PLCB1: variants seen among roughly 807,000 people sequenced by gnomAD.
The protein encoded by PLCB1 is 1-phosphatidylinositol 4,5-bisphosphate phosphodiesterase beta-1.
Under a neutral mutation model 161.8 loss-of-function variants are expected in PLCB1, and 46 were observed. The ratio of observed to expected loss-of-function variants is 0.28; its 90% CI spans 0.22 to 0.36. The LOEUF (loss-of-function observed/expected upper bound fraction) is 0.36. PLCB1 is among the 10% of genes least tolerant of loss of function. PLCB1 has a pLI of 1.00. For synonymous variants in PLCB1, 517 were observed against 503.7 expected (o/e 1.03, Z -0.35); for missense variants, 1,016 against 1,472.5 (o/e 0.69, Z 5.07).
intron 31 of PLCB1, among the ~76,000 whole-genome samples, chr20:8,836,173 A>T (rs1319128788): frequency 6.6e-6 from 1 of 152,196 alleles, no homozygotes; most frequent in African/African-American, 2.4e-5. Context: ...CAAAACTGGC[A>T]TATTGTCACT....
At chr20:8,161,242 T>C (rs549009844) in intron 2 of PLCB1, among the ~76,000 whole-genome samples, 1 of 152,352 alleles carries the variant, frequency 6.6e-6, no homozygotes, top group South Asian at 2.1e-4. Flanking sequence ...ATATGCTACA[T>C]ATATACATAC....
intron 9 of PLCB1, among the ~76,000 whole-genome samples, chr20:8,660,611 T>G (rs1338861666): frequency 6.6e-6 from 1 of 151,990 alleles, no homozygotes; most frequent in Non-Finnish European, 1.5e-5. Flanking sequence ...AGAGAAAAAA[T>G]TGTGATAGAT....
At position 8,557,434 on chromosome 20, in the gene PLCB1, T is replaced by C. The variant is rs1986000021; in HGVS notation, c.247-70860T>C. On this transcript the variant is annotated intron_variant, in intron 3 of 31. Transcript: ENST00000338037. Reference sequence around the variant, plus strand: ...TCTTGAAGACATGCTAAGTGAAATATGCCAGAAACAAAAGGACAGATATTT... The same window carrying C: ...TCTTGAAGACATGCTAAGTGAAATACGCCAGAAACAAAAGGACAGATATTT... Among the ~76,000 whole-genome samples the C allele has an allele frequency of 1.3e-5, 2 of 152,052 alleles. 1 individual carries two copies. Among genetic ancestry groups the C allele is most frequent in the South Asian group, 4.1e-4 (2 of 4,836 alleles).
At chr20:8,486,965 T>A (rs1171306827) in intron 3 of PLCB1, among the ~76,000 whole-genome samples, 1 of 152,216 alleles carries the variant, frequency 6.6e-6, no homozygotes, top group Non-Finnish European at 1.5e-5. Context: ...GCAGGTGGCA[T>A]AAGGCTTCAG....
chr20:8,850,487 A>G (rs900137815), intron 31 of PLCB1, among the ~76,000 whole-genome samples: 1 of 152,228 alleles, frequency 6.6e-6, no homozygotes, highest in Admixed American at 6.5e-5. Flanking sequence ...TCATTCTAAC[A>G]TCCGAAAAAA....
chr20:8,263,788 C>T (rs1277646963), intron 2 of PLCB1, among the ~76,000 whole-genome samples: 1 of 152,066 alleles, frequency 6.6e-6, no homozygotes, highest in Non-Finnish European at 1.5e-5. Context: ...AACAATGGAC[C>T]TGTATAAAAC....
intron 2 of PLCB1, among the ~76,000 whole-genome samples, chr20:8,290,896 ACTATAAATTATAT>A (rs1983352291): frequency 6.6e-6 from 1 of 152,096 alleles, no homozygotes. Context: ...ATAAATTATA[ACTATAAATTATAT>A]AAATTATAAG....
intron 2 of PLCB1, among the ~76,000 whole-genome samples, chr20:8,366,066 C>G (rs1020615438): frequency 6.6e-6 from 1 of 152,164 alleles, no homozygotes; most frequent in Non-Finnish European, 1.5e-5. Context: ...ATTCAGTCTT[C>G]TCTTAGCTTG....
chr20:8,153,029 T>G (rs1386873168), intron 2 of PLCB1, among the ~76,000 whole-genome samples: 1 of 152,166 alleles, frequency 6.6e-6, no homozygotes, highest in Non-Finnish European at 1.5e-5. Flanking sequence ...GACAATGACA[T>G]GCTACCTTCC....
chr20:8,258,495 T>A (rs1446975706), intron 2 of PLCB1, among the ~76,000 whole-genome samples: 6 of 152,172 alleles, frequency 3.9e-5, no homozygotes, highest in African/African-American at 1.4e-4. Context: ...ACGTTTGGTA[T>A]GTGAATTTCA....
chr20:8,207,830 C>T (rs1173854480), intron 2 of PLCB1, among the ~76,000 whole-genome samples: 1 of 152,174 alleles, frequency 6.6e-6, no homozygotes, highest in Non-Finnish European at 1.5e-5. Context: ...ATCATCCCAT[C>T]TGGGCCACCC....
At chr20:8,701,185 A>G (rs1310874496) in intron 11 of PLCB1, among the ~76,000 whole-genome samples, 1 of 152,158 alleles carries the variant, frequency 6.6e-6, no homozygotes, top group Non-Finnish European at 1.5e-5. Context: ...CTTTGTAATA[A>G]GAAAGAGTAA....
rs564622147 is a variant in PLCB1 at position 8,686,375 on chromosome 20, G to A, written c.1009+1297G>A. On this transcript the variant is annotated intron_variant, in intron 10 of 31. Coordinates refer to ENST00000338037, the MANE Select transcript of PLCB1 (RefSeq NM_015192.4). The stretch of plus-strand genomic sequence containing the variant: ...CTCAAAAATACTTAAATATATGTCC[G>A]GTTGAATTTTGGGTATTGTGTGTGA... Among the ~76,000 whole-genome samples the A allele has an allele frequency of 3.1e-3, 472 of 152,168 alleles. 2 individuals carry two copies. The highest frequency in any genetic ancestry group is 5.4e-3 in the Non-Finnish European group (367 of 67,990).
intron 2 of PLCB1, among the ~76,000 whole-genome samples, chr20:8,290,140 G>A (rs1983317849): frequency 6.6e-6 from 1 of 152,072 alleles, no homozygotes; most frequent in Non-Finnish European, 1.5e-5. Flanking sequence ...GCTGAAACTT[G>A]GCTTTTATTT....
At chr20:8,730,449 T>C (rs1007156754) in intron 18 of PLCB1, among the ~76,000 whole-genome samples, 1 of 151,878 alleles carries the variant, frequency 6.6e-6, no homozygotes. Context: ...CATTAATAAA[T>C]TTGTCTGCCT....
chr20:8,256,286 C>T (rs6077337), intron 2 of PLCB1, among the ~76,000 whole-genome samples: 33,283 of 151,924 alleles, frequency 0.22, 4,055 homozygotes, highest in Non-Finnish European at 0.28. Flanking sequence ...TTTAAGCTGG[C>T]CTATCCTGGG....
intron 1 of PLCB1, among the ~76,000 whole-genome samples, chr20:8,134,640 G>A (rs768171373): frequency 2.6e-5 from 4 of 152,020 alleles, no homozygotes; most frequent in South Asian, 4.1e-4. Context: ...CTGCTGTTAC[G>A]GACCTTACAT....
At chr20:8,287,823 C>T (rs1983196364) in intron 2 of PLCB1, among the ~76,000 whole-genome samples, 1 of 152,132 alleles carries the variant, frequency 6.6e-6, no homozygotes, top group Non-Finnish European at 1.5e-5. Context: ...CTATTTATTA[C>T]CAATGAAGCT....
At chr20:8,831,753 C>T (rs1437415917) in intron 31 of PLCB1, among the ~76,000 whole-genome samples, 1 of 152,158 alleles carries the variant, frequency 6.6e-6, no homozygotes, top group Non-Finnish European at 1.5e-5. Flanking sequence ...CCTCAGCCTC[C>T]CAAGTAGCTG....
Sources: allele counts gnomAD v4.1 joint callset (sites outside exome capture counted in the v4.1 genomes callset), GRCh38; gene constraint gnomAD v4.1.1; transcripts MANE v1.5; gene names NCBI Gene and HGNC (gene_info 2026-07-23, HGNC 2026-07-21).